The following WIZ variants were observed in gnomAD, a reference collection of about 807,000 sequenced individuals.
WIZ encodes WIZ zinc finger.
Under a neutral mutation model 140.2 loss-of-function variants are expected in WIZ, and 25 were observed. The ratio of observed to expected loss-of-function variants is 0.18; its 90% CI spans 0.13 to 0.25. The LOEUF is 0.25. Among genes scored for constraint, WIZ ranks in the 10% least tolerant of loss-of-function variants. The pLI, the probability that WIZ is intolerant of heterozygous loss-of-function variation, is 1.00. For missense variants in WIZ, 2,231 were observed against 2,632.6 expected, an observed-to-expected ratio of 0.85 and a Z score of 3.34; for synonymous variants, 1,125 against 1,154.3, an observed-to-expected ratio of 0.97 and a Z score of 0.51.
chr19:15,447,844 G>A (rs746710871), intron 2 of WIZ, among the ~76,000 whole-genome samples: 7 of 152,196 alleles, frequency 4.6e-5, no homozygotes, highest in African/African-American at 7.2e-5. Context: ...ATGCTCAGAG[G>A]AGGAAGCCAG....
intron 2 of WIZ, among the ~76,000 whole-genome samples, chr19:15,447,654 C>G (rs979588863): frequency 6.6e-6 from 1 of 152,202 alleles, no homozygotes; most frequent in Non-Finnish European, 1.5e-5. Context: ...GCATCGCTGA[C>G]TACCCAGCCT....
chr19:15,440,809 G>A lies in WIZ; in HGVS notation c.279-94C>T. 1.5e-6 allele frequency: 2 copies of A among 1,308,340 alleles called. No homozygotes were observed. The highest frequency in any genetic ancestry group is 2.5e-5 in the East Asian group (1 of 39,360). The allele number at this position is 1,308,340 out of a possible 1,614,324, so 81.0% of individuals were successfully genotyped here. A position where few individuals can be genotyped will look rare whatever the true frequency, so the allele number is the denominator to read the frequency against. ...GGGTCCTCCCAGGCCGTTTGAAGCA[G>A]GCCCCGGAGATCCAGCCCGAGGGTG... On this transcript the variant is annotated intron_variant, in intron 3 of 12. Coordinates refer to ENST00000673675, the MANE Select transcript of WIZ (RefSeq NM_001371589.1). The surrounding 1 kb of genome is among the most constrained non-coding windows in gnomAD (Gnocchi z 6.2).
chr19:15,423,582 C>A (rs183758452), intron 12 of WIZ, among the ~76,000 whole-genome samples: 1 of 152,178 alleles, frequency 6.6e-6, no homozygotes, highest in Non-Finnish European at 1.5e-5. Context: ...CACCAAGCCC[C>A]CCACCTCCTC....
chr19:15,435,090 G>A (rs188322125), intron 5 of WIZ, among the ~76,000 whole-genome samples: 2 of 152,052 alleles, frequency 1.3e-5, no homozygotes, highest in African/African-American at 2.4e-5. Context: ...GTGGTGGCAC[G>A]CCCTGTAATC....
rs2145346110 is a variant in WIZ at position 15,437,020 on chromosome 19, G to A, written c.2526C>T (p.Asp842=). The part of the protein sequence containing the change: ...LSSHARAHLR[D]FGITNWELTV... ...TGAGCTCCCAGTTGGTGATACCGAA[G>A]TCACGTAGGTGGGCCCGGGCGTGGC... The change falls in exon 5 of 13, where the codon GAC becomes GAT. Residue 842 remains aspartate, a synonymous_variant. Transcript: ENST00000673675. 1 of 1,613,910 alleles carries A rather than the reference G, an allele frequency of 6.2e-7. No individual in the cohort carries two copies. Among genetic ancestry groups the A allele is most frequent in the East Asian group, 2.2e-5 (1 of 44,856 alleles).
chr19:15,424,228 G>A lies in WIZ; in HGVS notation c.5465C>T (p.Thr1822Ile). ...GTTGCCCACGAACTTGACAAGTGAT[G>A]TCTGGGGGGGCCGGGGCACCAGGGA... ...VPSLVPRPPQ[T>I]SLVKFVGNIY... is the part of the protein sequence containing the mutation. Residue 1822 changes from threonine (T) to isoleucine (I), a missense_variant, in exon 12 of 13, where the codon ACA becomes ATA. Physicochemically the swap from Thr to Ile is moderately conservative, Grantham distance 89 (BLOSUM62 -1). This residue lies in a region of WIZ where 299 missense variants were observed against 309.6 expected (regional missense o/e 0.97). Transcript: ENST00000673675. This position sits in a 1 kb window ranked among gnomAD's most constrained non-coding sequence, Gnocchi z 9.7. 2 of 1,576,350 alleles carry A rather than the reference G, an allele frequency of 1.3e-6. No homozygotes were observed. The highest frequency in any genetic ancestry group is 2.4e-5 in the East Asian group (1 of 42,326).
rs921333329 is a variant in WIZ at position 15,423,342 on chromosome 19, A to C, written c.5511-107T>G. ...ACCTGCTGCTACTCAGTGTGGACAG[A>C]GCCAGCCCAGGAGGCGGGGGAAGAG... On this transcript the variant is annotated intron_variant, in intron 12 of 12. Coordinates refer to ENST00000673675, the MANE Select transcript of WIZ (RefSeq NM_001371589.1). 13 of 1,391,082 alleles carry C rather than the reference A, an allele frequency of 9.3e-6. No individual in the cohort carries two copies. The African/African-American group carries it at 1.7e-4, about 18-fold the overall frequency. The allele number at this position is 1,391,082 out of a possible 1,614,324, so 86.2% of individuals were successfully genotyped here.
At chr19:15,433,276 T>G (rs1969385270) in intron 5 of WIZ, 5 of 985,312 alleles carry the variant, frequency 5.1e-6, no homozygotes, top group Non-Finnish European at 4.8e-6. Context: ...CACATTTCAA[T>G]CACCGCCTGC....
chr19:15,440,375 C>A lies in WIZ; in HGVS notation c.619G>T (p.Ala207Ser), dbSNP rs1451708090. The change falls in exon 4 of 13, where the codon GCC becomes TCC. Residue 207 changes from alanine (A) to serine (S), a missense_variant. Physicochemically the swap from Ala to Ser is moderately conservative, Grantham distance 99. Transcript: ENST00000673675. The surrounding 1 kb of genome is among the most constrained non-coding windows in gnomAD (Gnocchi z 6.2). Reference sequence around the variant, plus strand: ...AAGGGGGCGAGGGGTGGCGGCTGGGCAGGCAGGTCCAAGTGCAGCCCTGCG... The same window carrying A: ...AAGGGGGCGAGGGGTGGCGGCTGGGAAGGCAGGTCCAAGTGCAGCCCTGCG... The part of the protein sequence containing the change: ...QDAGLHLDLP[A>S]QPPPLAPFRR... 3.3e-6 allele frequency: 5 copies of A among 1,531,576 alleles called. No homozygotes were observed. The South Asian group carries it at 4.8e-5, about 15-fold the overall frequency. The allele number at this position is 1,531,576 out of a possible 1,614,324, so 94.9% of individuals were successfully genotyped here. A position where few individuals can be genotyped will look rare whatever the true frequency, so the allele number is the denominator to read the frequency against.
intron 6 of WIZ, 101 bp downstream of exon 6, chr19:15,430,911 G>A (rs1202839751): frequency 6.5e-6 from 9 of 1,374,156 alleles, no homozygotes; most frequent in South Asian, 4.7e-5. Flanking sequence ...GGAAAACTGC[G>A]GGCAACCTTG....
chr19:15,441,564 C>T (rs944277647), intron 3 of WIZ, among the ~76,000 whole-genome samples: 17 of 152,314 alleles, frequency 1.1e-4, no homozygotes, highest in African/African-American at 4.1e-4. Context: ...CTTTGTTTCA[C>T]CTCATGCCTG....
At chr19:15,444,594 C>A (rs939521180) in intron 2 of WIZ, among the ~76,000 whole-genome samples, 1 of 152,174 alleles carries the variant, frequency 6.6e-6, no homozygotes, top group Admixed American at 6.5e-5. Flanking sequence ...CATTTGAGAA[C>A]CACCAGGATA....
Position 15,429,740 on chromosome 19 carries a change from G to A in WIZ, c.3261C>T (p.Ser1087=), listed in dbSNP as rs1211225326. The part of the protein sequence containing the change: ...FSAKGLGHPP[S]SPLLKKTPLA... ...GTGGTGTCTTTTTGAGGAGTGGAGA[G>A]CTGGGCGGGTGGCCCAGGCCCTTGG... The change falls in exon 7 of 13, where the codon AGC becomes AGT. Residue 1087 remains serine (S), a synonymous_variant. Transcript: ENST00000673675. 4 of 1,479,472 alleles carry A rather than the reference G, an allele frequency of 2.7e-6. No homozygotes were observed. In the East Asian group the frequency reaches 7.5e-5, roughly 28 times the overall value. The allele number at this position is 1,479,472 out of a possible 1,614,324, so 91.6% of individuals were successfully genotyped here.
In WIZ at chr19:15,439,122, C is replaced by T; in HGVS notation, c.1872G>A (p.Glu624=). The T allele has an allele frequency of 7.1e-7, 1 of 1,400,114 alleles. No individual in the cohort carries two copies. The highest frequency in any genetic ancestry group is 9.4e-7 in the Non-Finnish European group (1 of 1,062,246). The allele number at this position is 1,400,114 out of a possible 1,614,324, so 86.7% of individuals were successfully genotyped here. The stretch of plus-strand genomic sequence containing the variant: ...CCATCTCGGAGGTCAGCACTACATC[C>T]TCCTCCTCCTCCTCCTCCTCCTCCT... ...SEEEEEEEEE[E]DVVLTSEMDF... Residue 624 remains glutamate (E), a synonymous_variant, in exon 4 of 13, where the codon GAG becomes GAA. Transcript: ENST00000673675. The surrounding 1 kb of genome is among the most constrained non-coding windows in gnomAD (Gnocchi z 7.0).
chr19:15,425,204 C>T (rs199975120), intron 10 of WIZ, 37 bp downstream of exon 10: 33 of 1,552,092 alleles, frequency 2.1e-5, no homozygotes, highest in Non-Finnish European at 2.6e-5. Context: ...CAGGCCCTGG[C>T]GGTCGCCCTC....
rs1968678519 is a variant in WIZ at position 15,425,346 on chromosome 19, G to C, written c.4789C>G (p.Leu1597Val). Residue 1597 changes from leucine to valine, a missense_variant, in exon 10 of 13, where the codon CTG (leucine) becomes GTG (valine). Leu to Val is a conservative substitution (Grantham distance 32, BLOSUM62 1). This residue lies in a region of WIZ where 393 missense variants were observed against 451.7 expected (regional missense o/e 0.87). Coordinates refer to ENST00000673675, the MANE Select transcript of WIZ (RefSeq NM_001371589.1). ...GCTGGGAGGAGGCGGTCCTCCTGCA[G>C]GGGCCGCTTGGCTGCCACTGAGCCC... ...YLGSVAAKRPLQEDRLLPAEV... is the reference protein window; with the variant it reads ...YLGSVAAKRPVQEDRLLPAEV... 6.4e-7 allele frequency: 1 copy of C among 1,559,574 alleles called. No homozygotes were observed. Among genetic ancestry groups the C allele is most frequent in the Non-Finnish European group, 8.7e-7 (1 of 1,152,090 alleles).
Position 15,425,734 on chromosome 19 carries a change from A to C in WIZ, c.4401T>G (p.Cys1467Trp). The stretch of plus-strand genomic sequence containing the variant: ...TCTCGAAGAACTCGCCGCAGAACTC[A>C]CAGCGGATGTCGCGCACCGGCTCTG... ...SRAEPVRDIR[C>W]EFCGEFFENR... Residue 1467 changes from cysteine to tryptophan, a missense_variant, in exon 10 of 13, where the codon TGT becomes TGG. Physicochemically the swap from Cys to Trp is radical, Grantham distance 215. Around this residue, in one of 15 missense-constraint regions of WIZ, gnomAD observed 393 missense variants for 451.7 expected, o/e 0.87. Coordinates refer to ENST00000673675, the MANE Select transcript of WIZ (RefSeq NM_001371589.1). 6.2e-7 allele frequency: 1 copy of C among 1,606,060 alleles called. No individual in the cohort carries two copies.
At position 15,440,644 on chromosome 19, in the gene WIZ, C is replaced by T; in HGVS notation, c.350G>A (p.Gly117Asp). ...PPPHLLGHFP[G>D]TPDGRGPWEH... The stretch of plus-strand genomic sequence containing the variant: ...CCAGGGCCCCCGGCCATCAGGGGTA[C>T]CTGGGAAATGGCCCAGGAGATGGGG... Residue 117 changes from glycine (G) to aspartate (D), a missense_variant, in exon 4 of 13, where the codon GGT becomes GAT. Physicochemically the swap from Gly to Asp is moderately conservative, Grantham distance 94. Transcript: ENST00000673675. This position sits in a 1 kb window ranked among gnomAD's most constrained non-coding sequence, Gnocchi z 6.2. 6.5e-7 allele frequency: 1 copy of T among 1,529,676 alleles called. No homozygotes were observed. The highest frequency in any genetic ancestry group is 8.8e-7 in the Non-Finnish European group (1 of 1,141,892). 94.8% of individuals were successfully genotyped at this position (1,529,676 alleles called of 1,614,324 possible).
Position 15,439,971 on chromosome 19 carries a change from C to T in WIZ, c.1023G>A (p.Pro341=), listed in dbSNP as rs752270417. 131 of 1,535,480 alleles carry T rather than the reference C, an allele frequency of 8.5e-5. 1 individual carries two copies. The highest frequency in any genetic ancestry group is 1.5e-4 in the African/African-American group (11 of 73,002). Reference sequence around the variant, plus strand: ...CCAGGTCCGCAGGGGGCTCCTGGCCCGGGGCTCGGCGGTGCTGGCTCATGT... The same window carrying T: ...CCAGGTCCGCAGGGGGCTCCTGGCCTGGGGCTCGGCGGTGCTGGCTCATGT... ...LEHMSQHRRA[P]GQEPPADLAP... Residue 341 remains proline, a synonymous_variant, in exon 4 of 13, where the codon CCG becomes CCA. Transcript: ENST00000673675. This position sits in a 1 kb window ranked among gnomAD's most constrained non-coding sequence, Gnocchi z 7.0.
Sources: allele counts gnomAD v4.1 joint callset (sites outside exome capture counted in the v4.1 genomes callset), GRCh38; gene constraint gnomAD v4.1.1; regional missense constraint gnomAD v4.1.1; non-coding constraint Gnocchi (gnomAD v3.1); transcripts MANE v1.5; gene names NCBI Gene and HGNC (gene_info 2026-07-23, HGNC 2026-07-21).